Variants in ATAD2B observed in about 807,000 individuals in gnomAD.
ATAD2B encodes ATPase family AAA domain-containing protein 2B.
ATAD2B carries 40 observed loss-of-function variants against 167.6 expected under a neutral mutation model. The ratio of observed to expected loss-of-function variants is 0.24; its 90% CI spans 0.19 to 0.31. The LOEUF (loss-of-function observed/expected upper bound fraction) is 0.31, where lower values mean the gene tolerates loss of function less well. ATAD2B is among the 10% of genes least tolerant of loss of function. The pLI is 1.00. For synonymous variants in ATAD2B, 579 were observed against 596.5 expected (o/e 0.97, Z 0.43); for missense variants, 1,242 against 1,757.2 (o/e 0.71, Z 5.24).
At chr2:23,743,528 A>G in the ATAD2B span, among the ~76,000 whole-genome samples, 23 of 148,970 alleles carry the variant, frequency 1.5e-4, no homozygotes, top group South Asian at 4.3e-3. Flanking sequence ...ACACCACTGC[A>G]CTCCAGCCTG....
chr2:23,921,371 G>C (rs1005749917), intron 1 of ATAD2B, among the ~76,000 whole-genome samples: 1 of 152,094 alleles, frequency 6.6e-6, no homozygotes, highest in Non-Finnish European at 1.5e-5. Flanking sequence ...TCCTTGAACA[G>C]ACAGGATCAC....
chr2:23,792,906 T>A (rs1046016901), intron 19 of ATAD2B, among the ~76,000 whole-genome samples: 4 of 126,830 alleles, frequency 3.2e-5, no homozygotes, highest in Non-Finnish European at 6.2e-5. Context: ...GAGCTTGCAG[T>A]GAGCCGAGAT....
intron 20 of ATAD2B, chr2:23,788,266 A>G (rs981737315): frequency 4.6e-6 from 2 of 432,138 alleles, no homozygotes; most frequent in African/African-American, 3.9e-5. Flanking sequence ...ATAATGTGAC[A>G]TCTACCACAG....
intron 2 of ATAD2B, among the ~76,000 whole-genome samples, chr2:23,893,817 G>A (rs1423962173): frequency 6.6e-6 from 1 of 151,844 alleles, no homozygotes; most frequent in Non-Finnish European, 1.5e-5. Flanking sequence ...CTACAAGCAT[G>A]TGCCTGAAGC....
At chr2:23,794,548 A>G (rs568217377) in intron 19 of ATAD2B, among the ~76,000 whole-genome samples, 42 of 152,298 alleles carry the variant, frequency 2.8e-4, no homozygotes, top group Non-Finnish European at 5.4e-4. Flanking sequence ...GGTCTGGTGC[A>G]ATGATTTCCA....
chr2:23,926,154 T>C (rs949595660), intron 1 of ATAD2B, among the ~76,000 whole-genome samples: 2 of 152,140 alleles, frequency 1.3e-5, no homozygotes, highest in Non-Finnish European at 2.9e-5. Flanking sequence ...TGACACACTT[T>C]CAAGAAGGGT....
At position 23,878,011 on chromosome 2, in the gene ATAD2B, AAAG is replaced by A. The variant is rs1196414725; in HGVS notation, c.902-2110_902-2108del. Among the ~76,000 whole-genome samples, 218 of 52,130 alleles carry A rather than the reference AAAG, an allele frequency of 4.2e-3. 27 individuals carry two copies. The highest frequency in any genetic ancestry group is 0.011 in the African/African-American group (130 of 12,364). The allele number at this position is 52,130 out of a possible 152,430, so 34.2% of individuals were successfully genotyped here. ...CTCCAGCCTGGATGACCCTATCTCC[AAAG>A]AAAAAAAAAAAAAAAAAAAAAAAAA... On this transcript the variant is annotated intron_variant, in intron 7 of 27. Coordinates refer to ENST00000238789, the MANE Select transcript of ATAD2B (RefSeq NM_017552.4).
At chr2:23,829,089 G>GCATCTGTCTACATCAACTCTGATTC in intron 14 of ATAD2B, 150 bp from the exon 15 acceptor site, 1 of 588,562 alleles carries the variant, frequency 1.7e-6, no homozygotes, top group Non-Finnish European at 3.0e-6. Flanking sequence ...AAACACCTTA[G>GCATCTGTCTACATCAACTCTGATTC]CATCTGTCTA....
At chr2:23,686,081 G>C in the ATAD2B span, among the ~76,000 whole-genome samples, 8 of 152,302 alleles carry the variant, frequency 5.3e-5, no homozygotes, top group East Asian at 5.8e-4. Context: ...AGTAGTGAAG[G>C]CTTCTTGGGC....
chr2:23,871,404 A>G (rs954163958), intron 8 of ATAD2B, among the ~76,000 whole-genome samples: 2 of 152,006 alleles, frequency 1.3e-5, no homozygotes, highest in African/African-American at 4.8e-5. Flanking sequence ...CTCCTAACAT[A>G]CCAACTTTCA....
At chr2:23,857,543 T>C (rs1340044045) in intron 12 of ATAD2B, 40 bp from the exon 13 acceptor site, 29 of 1,010,048 alleles carry the variant, frequency 2.9e-5, no homozygotes, top group Non-Finnish European at 3.8e-5. Flanking sequence ...TGTATTTGTT[T>C]TCATTTTTAA....
chr2:23,874,693 C>CA lies in ATAD2B; in HGVS notation c.977+1135dup, dbSNP rs879884496. Among the ~76,000 whole-genome samples, 309 of 139,384 alleles carry CA rather than the reference C, an allele frequency of 2.2e-3. 2 individuals are homozygous for CA. Among genetic ancestry groups the CA allele is most frequent in the African/African-American group, 6.5e-3 (246 of 37,908 alleles). 91.4% of individuals were successfully genotyped at this position (139,384 alleles called of 152,430 possible). On this transcript the variant is annotated intron_variant, in intron 8 of 27. Coordinates refer to ENST00000238789, the MANE Select transcript of ATAD2B (RefSeq NM_017552.4). ...TAGGTGACAGAGCAAGACCCTGTCT[C>CA]AAAAAAAAAAAATAAACTTTTAAAA...
At chr2:23,746,546 C>G (rs1054366901), downstream of ATAD2B, among the ~76,000 whole-genome samples, 44 of 152,138 alleles carry the variant, frequency 2.9e-4, no homozygotes, top group African/African-American at 1.1e-3. Context: ...TGAATAAATG[C>G]TTAAATGTTT....
intron 15 of ATAD2B, among the ~76,000 whole-genome samples, chr2:23,828,291 G>A (rs1303253480): frequency 6.6e-6 from 1 of 152,084 alleles, no homozygotes; most frequent in African/African-American, 2.4e-5. Flanking sequence ...GGACAGTAGT[G>A]TTCATTCACT....
At chr2:23,833,004 A>G (rs753621448) in intron 14 of ATAD2B, among the ~76,000 whole-genome samples, 2 of 152,332 alleles carry the variant, frequency 1.3e-5, no homozygotes, top group South Asian at 2.1e-4. Flanking sequence ...ATAATGCTGT[A>G]TATGCTATGT....
At chr2:23,814,098 T>C (rs1304312115) in intron 17 of ATAD2B, among the ~76,000 whole-genome samples, 1 of 151,912 alleles carries the variant, frequency 6.6e-6, no homozygotes, top group Admixed American at 6.6e-5. Context: ...AACAAAATTA[T>C]TGAAAAAACA....
chr2:23,881,597 G>T (rs1233203259), intron 6 of ATAD2B, among the ~76,000 whole-genome samples: 1 of 152,010 alleles, frequency 6.6e-6, no homozygotes, highest in Non-Finnish European at 1.5e-5. Context: ...TCCAGACCTG[G>T]TGATCAACCC....
At chr2:23,898,541 A>G (rs1248182970) in intron 1 of ATAD2B, among the ~76,000 whole-genome samples, 1 of 152,206 alleles carries the variant, frequency 6.6e-6, no homozygotes, top group African/African-American at 2.4e-5. Flanking sequence ...GTATACAATG[A>G]AGCTATAACT....
At chr2:23,691,942 C>G in the ATAD2B span, 2 of 1,470,140 alleles carry the variant, frequency 1.4e-6, no homozygotes, top group Non-Finnish European at 9.2e-7. Flanking sequence ...ACTCCATAAA[C>G]AGCAAGGACT....
Sources: allele counts gnomAD v4.1 joint callset (sites outside exome capture counted in the v4.1 genomes callset), GRCh38; gene constraint gnomAD v4.1.1; transcripts MANE v1.5; gene names NCBI Gene and HGNC (gene_info 2026-07-23, HGNC 2026-07-21).